The following PTPRJ variants were observed in gnomAD, a reference collection of about 807,000 sequenced individuals.
PTPRJ encodes receptor-type tyrosine-protein phosphatase eta.
A neutral mutation model predicts 141.3 loss-of-function variants in PTPRJ; 129 were observed. The observed-to-expected ratio is 0.91, with a 90% CI of 0.79 to 1.06. The LOEUF is 1.06. Among genes scored for constraint, PTPRJ ranks in the 50% least tolerant of loss-of-function variants. PTPRJ has a pLI of 0.00. For synonymous variants in PTPRJ, 610 were observed against 640.5 expected, an observed-to-expected ratio of 0.95 and a Z score of 0.72; for missense variants, 1,601 against 1,679.7, an observed-to-expected ratio of 0.95 and a Z score of 0.82.
intron 14 of PTPRJ, among the ~76,000 whole-genome samples, chr11:48,146,115 G>A (rs1230004479): frequency 2.6e-5 from 4 of 152,194 alleles, no homozygotes; most frequent in East Asian, 3.8e-4. Context: ...GGGGTTACAG[G>A]TGTGAGCCAC....
At chr11:48,009,540 G>C (rs1392150906) in intron 1 of PTPRJ, among the ~76,000 whole-genome samples, 1 of 152,160 alleles carries the variant, frequency 6.6e-6, no homozygotes, top group East Asian at 1.9e-4. Flanking sequence ...AGGGTGTAGC[G>C]AGCCGAGATT....
At chr11:48,042,810 G>A (rs1265310585) in intron 1 of PTPRJ, among the ~76,000 whole-genome samples, 1 of 151,582 alleles carries the variant, frequency 6.6e-6, no homozygotes, top group East Asian at 1.9e-4. Flanking sequence ...GAGAAAGAGA[G>A]TAAGAGAGAG....
chr11:48,156,003 G>A lies in PTPRJ; in HGVS notation c.3322G>A (p.Asp1108Asn). The A allele has an allele frequency of 6.2e-7, 1 of 1,610,854 alleles. No individual in the cohort carries two copies. Among genetic ancestry groups the A allele is most frequent in the Non-Finnish European group, 8.5e-7 (1 of 1,177,176 alleles). The change falls in exon 21 of 25, where the codon GAT becomes AAT. Residue 1108 changes from aspartate (D) to asparagine (N), a missense_variant. Asp to Asn is a conservative substitution (Grantham distance 23, BLOSUM62 1). Coordinates refer to ENST00000418331, the MANE Select transcript of PTPRJ (RefSeq NM_002843.4). The stretch of plus-strand genomic sequence containing the variant: ...TTTTTAGGGCTACCACTCCAAGAAA[G>A]ATTTTATTGCCACACAAGGACCTTT... ...NYMPGYHSKK[D>N]FIATQGPLPN...
rs1857272165 is a variant in PTPRJ at position 48,143,030 on chromosome 11, T to G, written c.2555T>G (p.Val852Gly). ...CACGGACCCATCAAAGCCTATGCTG[T>G]CATTCTCACCACCGGGGAAGGTAAG... The part of the protein sequence containing the change: ...ASHGPIKAYA[V>G]ILTTGEAGHP... The change falls in exon 12 of 25, where the codon GTC (valine) becomes GGC (glycine). Residue 852 changes from valine (V) to glycine (G), a missense_variant. Transcript: ENST00000418331. 1 of 1,614,128 alleles carries G rather than the reference T, an allele frequency of 6.2e-7. No individual in the cohort carries two copies. Among genetic ancestry groups the G allele is most frequent in the Non-Finnish European group, 8.5e-7 (1 of 1,179,986 alleles).
chr11:48,099,164 G>A (rs916837220), intron 1 of PTPRJ, among the ~76,000 whole-genome samples: 3 of 152,190 alleles, frequency 2.0e-5, no homozygotes, highest in African/African-American at 7.2e-5. Flanking sequence ...AGCTGCTGCG[G>A]GTCCATCCCT....
chr11:47,999,847 TCA>T, intron 1 of PTPRJ, among the ~76,000 whole-genome samples: 1 of 147,054 alleles, frequency 6.8e-6, no homozygotes, highest in Middle Eastern at 3.5e-3. Context: ...TCTTTTACTT[TCA>T]TGCCGAGATT....
intron 21 of PTPRJ, among the ~76,000 whole-genome samples, chr11:48,157,021 C>T (rs1857627584): frequency 1.3e-5 from 2 of 151,744 alleles, no homozygotes; most frequent in Non-Finnish European, 1.5e-5. Context: ...GATGGAGTCT[C>T]ACTCTGTCGC....
intron 1 of PTPRJ, among the ~76,000 whole-genome samples, chr11:48,086,005 C>T (rs985787424): frequency 1.2e-4 from 19 of 152,086 alleles, no homozygotes; most frequent in African/African-American, 4.6e-4. Context: ...TCTCCTTCAT[C>T]TCTAACATTT....
chr11:48,096,116 G>A (rs559010600), intron 1 of PTPRJ, among the ~76,000 whole-genome samples: 5 of 152,254 alleles, frequency 3.3e-5, no homozygotes, highest in Non-Finnish European at 5.9e-5. Flanking sequence ...GTTCATTGCC[G>A]TTTACAGAAT....
intron 1 of PTPRJ, among the ~76,000 whole-genome samples, chr11:47,981,861 C>T (rs907755731): frequency 1.3e-5 from 2 of 152,204 alleles, no homozygotes; most frequent in African/African-American, 4.8e-5. Flanking sequence ...CCAGCCCGTG[C>T]CATGGGAGCT....
rs77346697 is a variant in PTPRJ at position 48,141,938 on chromosome 11, G to GTT, written c.2444-967_2444-966dup. 3.9e-3 allele frequency among the ~76,000 whole-genome samples: 560 copies of GTT among 144,044 alleles called. 1 individual carries two copies. The highest frequency in any genetic ancestry group is 4.3e-3 in the Admixed American group (62 of 14,550). The allele number at this position is 144,044 out of a possible 152,430, so 94.5% of individuals were successfully genotyped here. A position where few individuals can be genotyped will look rare whatever the true frequency, so the allele number is the denominator to read the frequency against. ...ATGTCAAGAAGCTCTTCCCCAATGT[G>GTT]TTTTTTTTTTTTTTTAAACAAATTT... On this transcript the variant is annotated intron_variant, in intron 11 of 24. Coordinates refer to ENST00000418331, the MANE Select transcript of PTPRJ (RefSeq NM_002843.4).
chr11:48,139,271 T>A (rs1857175849), intron 10 of PTPRJ, among the ~76,000 whole-genome samples: 2 of 152,214 alleles, frequency 1.3e-5, no homozygotes, highest in Admixed American at 6.5e-5. Context: ...TTGTTCAATT[T>A]ACTCTTCAAA....
chr11:48,102,306 C>T (rs1459194261), intron 1 of PTPRJ, among the ~76,000 whole-genome samples: 1 of 152,142 alleles, frequency 6.6e-6, no homozygotes, highest in Non-Finnish European at 1.5e-5. Context: ...CCCCGGGAAG[C>T]GAGGCTGACA....
chr11:48,017,087 CAG>C (rs887853665), intron 1 of PTPRJ, among the ~76,000 whole-genome samples: 132 of 152,060 alleles, frequency 8.7e-4, no homozygotes, highest in African/African-American at 2.9e-3. Flanking sequence ...CAAGTGGAAA[CAG>C]GGGGTTCAAA....
chr11:48,106,763 C>CTTTTTTTTTTTTTTTTTTTTTTTTT (rs35643138), intron 1 of PTPRJ, among the ~76,000 whole-genome samples: 3 of 86,448 alleles, frequency 3.5e-5, no homozygotes, highest in Non-Finnish European at 4.6e-5. Flanking sequence ...TTCTTTCTTT[C>CTTTTTTTTTTTTTTTTTTTTTTTTT]TTTTTTTTTT....
At chr11:48,086,589 C>A (rs947343721) in intron 1 of PTPRJ, among the ~76,000 whole-genome samples, 2 of 152,196 alleles carry the variant, frequency 1.3e-5, no homozygotes, top group Non-Finnish European at 2.9e-5. Context: ...CAACCTGTAG[C>A]CTGAAGCTTT....
At chr11:48,089,524 A>C (rs1365690258) in intron 1 of PTPRJ, among the ~76,000 whole-genome samples, 2 of 151,860 alleles carry the variant, frequency 1.3e-5, no homozygotes, top group African/African-American at 4.8e-5. Context: ...TCAAAAAAAA[A>C]AAAAAAAACA....
intron 1 of PTPRJ, among the ~76,000 whole-genome samples, chr11:48,102,552 G>A (rs1441625966): frequency 2.0e-5 from 3 of 151,906 alleles, no homozygotes; most frequent in African/African-American, 7.3e-5. Flanking sequence ...AGGATTACAG[G>A]CCACCATGCC....
intron 18 of PTPRJ, among the ~76,000 whole-genome samples, chr11:48,153,180 G>A (rs1057314357): frequency 3.9e-5 from 6 of 152,118 alleles, no homozygotes; most frequent in South Asian, 2.1e-4. Flanking sequence ...AATCCATCTC[G>A]CTGACTGACT....
Sources: gnomAD v4.1 joint callset for allele counts (sites outside exome capture counted in the v4.1 genomes callset) on GRCh38, gnomAD v4.1.1 for gene constraint, MANE v1.5 for transcripts, NCBI Gene and HGNC (gene_info 2026-07-23, HGNC 2026-07-21) for gene names.